Variants in FANCL observed in about 807,000 individuals in gnomAD.
FANCL encodes the protein E3 ubiquitin-protein ligase FANCL.
A neutral mutation model predicts 59.4 loss-of-function variants in FANCL; 69 were observed. The observed-to-expected ratio is 1.16, with a 90% CI of 0.96 to 1.42. The LOEUF (loss-of-function observed/expected upper bound fraction) is 1.42, where lower values mean the gene tolerates loss of function less well. FANCL is among the 40% of genes most tolerant of loss of function. FANCL has a pLI of 0.00. For synonymous variants in FANCL, 180 were observed against 147.1 expected (o/e 1.22, Z -1.62); for missense variants, 519 against 447.2 (o/e 1.16, Z -1.45).
At chr2:58,237,235 C>T (rs1036810120) in intron 1 of FANCL, among the ~76,000 whole-genome samples, 10 of 151,992 alleles carry the variant, frequency 6.6e-5, no homozygotes, top group African/African-American at 2.2e-4. Flanking sequence ...AAAATTAAGG[C>T]TCAATAAATA....
Position 58,231,160 on chromosome 2 carries a change from T to A in FANCL, c.155+894A>T, listed in dbSNP as rs116500784. Among the ~76,000 whole-genome samples the A allele has an allele frequency of 4.6e-3, 695 of 152,292 alleles. 5 individuals carry two copies. The highest frequency in any genetic ancestry group is 0.016 in the African/African-American group (678 of 41,570). ...TTGTAAGTTCCTCTTTAGTGACCAG[T>A]CCTTTAAATGTTGGTACGCCCCAAG... On this transcript the variant is annotated intron_variant, in intron 2 of 13. Transcript: ENST00000233741.
intron 7 of FANCL, among the ~76,000 whole-genome samples, chr2:58,169,629 C>A (rs909763089): frequency 6.6e-6 from 1 of 151,530 alleles, no homozygotes; most frequent in Non-Finnish European, 1.5e-5. Flanking sequence ...ATGTTCTAAC[C>A]CAATGCAAGG....
rs892586081 is a variant in FANCL at position 58,166,274 on chromosome 2, T to C, written c.541-400A>G. Among the ~76,000 whole-genome samples, 9 of 152,294 alleles carry C rather than the reference T, an allele frequency of 5.9e-5. No individual in the cohort carries two copies. The East Asian group carries it at 1.2e-3, about 20-fold the overall frequency. On this transcript the variant is annotated intron_variant, in intron 7 of 13. Transcript: ENST00000233741. Reference sequence around the variant, plus strand: ...TTTTAGTATGAAAATCTTAATTTCATGTTTGCTGCAGCAATCAAGTTAAAT... The same window carrying C: ...TTTTAGTATGAAAATCTTAATTTCACGTTTGCTGCAGCAATCAAGTTAAAT...
chr2:58,173,296 G>A (rs547176749), intron 7 of FANCL, among the ~76,000 whole-genome samples: 1 of 152,246 alleles, frequency 6.6e-6, no homozygotes, highest in East Asian at 1.9e-4. Context: ...ATGCCACAAA[G>A]ATACTCTCGA....
chr2:58,172,507 T>C (rs1686757913), intron 7 of FANCL, among the ~76,000 whole-genome samples: 1 of 152,188 alleles, frequency 6.6e-6, no homozygotes, highest in Non-Finnish European at 1.5e-5. Flanking sequence ...GGAGTGGACC[T>C]CTAGCAAACT....
intron 7 of FANCL, among the ~76,000 whole-genome samples, chr2:58,172,735 C>T (rs1686792889): frequency 1.3e-5 from 2 of 152,232 alleles, no homozygotes; most frequent in Non-Finnish European, 2.9e-5. Flanking sequence ...AGCGCCTCTC[C>T]TCCTCCAAAG....
Position 58,197,878 on chromosome 2 carries a change from T to C in FANCL, c.540+716A>G, listed in dbSNP as rs191612614. Reference sequence around the variant, plus strand: ...TATTATGTAATCAATGTCAAAAGTTTTAGCAATATAAAACATTTCACTCAA... The same window carrying C: ...TATTATGTAATCAATGTCAAAAGTTCTAGCAATATAAAACATTTCACTCAA... On this transcript the variant is annotated intron_variant, in intron 7 of 13. Transcript: ENST00000233741. Among the ~76,000 whole-genome samples the C allele has an allele frequency of 2.2e-3, 339 of 152,350 alleles. 1 individual carries two copies. Among genetic ancestry groups the C allele is most frequent in the African/African-American group, 4.9e-3 (205 of 41,582 alleles).
At position 58,159,416 on chromosome 2, in the gene FANCL, C is replaced by G; in HGVS notation, c.*349G>C. 6.2e-7 allele frequency: 1 copy of G among 1,613,376 alleles called. No individual in the cohort carries two copies. Among genetic ancestry groups the G allele is most frequent in the Non-Finnish European group, 8.5e-7 (1 of 1,179,646 alleles). The stretch of plus-strand genomic sequence containing the variant: ...CCTTTGAATGAAGTAAACAGTTTCC[C>G]ACAAAAAATCAGCTATACACAATTC... On this transcript the variant is annotated 3_prime_UTR_variant, in exon 14 of 14. Transcript: ENST00000233741.
chr2:58,204,459 A>G (rs1000628805), intron 5 of FANCL, among the ~76,000 whole-genome samples: 2 of 152,032 alleles, frequency 1.3e-5, no homozygotes, highest in African/African-American at 4.8e-5. Flanking sequence ...AATGTGTGTC[A>G]AGGCTCATGC....
chr2:58,210,264 T>A (rs767970128), intron 5 of FANCL, among the ~76,000 whole-genome samples: 3 of 152,070 alleles, frequency 2.0e-5, no homozygotes, highest in Non-Finnish European at 4.4e-5. Flanking sequence ...TGGGGAAGGC[T>A]CACAATCATG....
chr2:58,187,410 T>G (rs1688512107), intron 7 of FANCL, among the ~76,000 whole-genome samples: 1 of 49,804 alleles, frequency 2.0e-5, no homozygotes, highest in East Asian at 6.2e-4. Flanking sequence ...CACTGGGGCC[T>G]GTCGTGGGGT....
chr2:58,204,854 C>T (rs574787901), intron 5 of FANCL, among the ~76,000 whole-genome samples: 84 of 152,190 alleles, frequency 5.5e-4, no homozygotes, highest in African/African-American at 2.0e-3. Context: ...AAACATATAG[C>T]ACAAGCACAA....
intron 2 of FANCL, 122 bp downstream of exon 2, chr2:58,231,932 G>T: frequency 2.6e-6 from 2 of 775,266 alleles, no homozygotes; most frequent in Non-Finnish European, 4.5e-6. Context: ...TGTTTCTTTT[G>T]GGGCAAATGA....
chr2:58,174,700 T>G (rs890595515), intron 7 of FANCL, among the ~76,000 whole-genome samples: 2 of 151,854 alleles, frequency 1.3e-5, no homozygotes, highest in African/African-American at 4.8e-5. Context: ...AGATCCAAAA[T>G]TGACACCCTG....
At chr2:58,230,504 T>A (rs1490616280) in intron 2 of FANCL, among the ~76,000 whole-genome samples, 1 of 152,102 alleles carries the variant, frequency 6.6e-6, no homozygotes, top group Non-Finnish European at 1.5e-5. Context: ...GTATAAGAAG[T>A]GATAAGTTAA....
chr2:58,198,663 C>T lies in FANCL; in HGVS notation c.472-1G>A. The stretch of plus-strand genomic sequence containing the variant: ...AATAATCTGGTGATTCTGCAGGATA[C>T]TATTAAAAAAGCATAACATTAGACC... On this transcript the variant is annotated splice_acceptor_variant, in intron 6 of 13. Coordinates refer to ENST00000233741, the MANE Select transcript of FANCL (RefSeq NM_018062.4). LOFTEE classifies it high-confidence loss of function. The T allele has an allele frequency of 6.2e-7, 1 of 1,612,876 alleles. No individual in the cohort carries two copies. Among genetic ancestry groups the T allele is most frequent in the Non-Finnish European group, 8.5e-7 (1 of 1,178,956 alleles).
chr2:58,173,207 C>A (rs1160555240), intron 7 of FANCL, among the ~76,000 whole-genome samples: 4 of 152,204 alleles, frequency 2.6e-5, no homozygotes, highest in Admixed American at 2.0e-4. Context: ...AGTTGGAAAA[C>A]ACTCTGCAGG....
intron 7 of FANCL, among the ~76,000 whole-genome samples, chr2:58,166,264 C>A (rs1685947836): frequency 6.6e-6 from 1 of 152,050 alleles, no homozygotes. Context: ...GTATGAAAAT[C>A]TTAATTTCAT....
At position 58,180,561 on chromosome 2, in the gene FANCL, G is replaced by A. The variant is rs186895103; in HGVS notation, c.541-14687C>T. On this transcript the variant is annotated intron_variant, in intron 7 of 13. Transcript: ENST00000233741. ...ATCACACACCAGGGCCTGTCGGGGG[G>A]TGGGGGACTAGGTGAGGGATAGTAT... is the stretch of plus-strand genomic sequence containing the variant. Among the ~76,000 whole-genome samples the A allele has an allele frequency of 2.8e-4, 42 of 152,168 alleles. 1 individual carries two copies. Among genetic ancestry groups the A allele is most frequent in the East Asian group, 2.3e-3 (12 of 5,176 alleles).
Sources: allele counts gnomAD v4.1 joint callset (sites outside exome capture counted in the v4.1 genomes callset), GRCh38; gene constraint gnomAD v4.1.1; transcripts MANE v1.5; gene names NCBI Gene and HGNC (gene_info 2026-07-23, HGNC 2026-07-21).